The following GNAL variants were observed in gnomAD, a reference collection of about 807,000 sequenced individuals.
GNAL encodes the protein G protein subunit alpha L, also known as guanine nucleotide-binding protein G(olf) subunit alpha.
In GNAL, 18 loss-of-function variants were observed where a neutral mutation model predicts 55.1. That is an observed-to-expected ratio of 0.33 (90% CI 0.23 to 0.48). The LOEUF (loss-of-function observed/expected upper bound fraction) is 0.48, where lower values mean the gene tolerates loss of function less well. GNAL is among the 20% of genes least tolerant of loss of function. The pLI, the probability that GNAL is intolerant of heterozygous loss-of-function variation, is 0.99. For synonymous variants in GNAL, 253 were observed against 237.0 expected, an observed-to-expected ratio of 1.07 and a Z score of -0.62; for missense variants, 412 against 614.1, an observed-to-expected ratio of 0.67 and a Z score of 3.48.
intron 5 of GNAL, chr18:11,851,692 C>T (rs1007245929): frequency 1.9e-6 from 3 of 1,613,892 alleles, no homozygotes; most frequent in Non-Finnish European, 2.5e-6. Flanking sequence ...CCAGAAGAAC[C>T]AGGCGGTGAA....
At chr18:11,791,466 C>T (rs2034234908) in intron 4 of GNAL, among the ~76,000 whole-genome samples, 1 of 152,150 alleles carries the variant, frequency 6.6e-6, no homozygotes, top group Non-Finnish European at 1.5e-5. Context: ...ATCAAGAGAT[C>T]ATGCTTGTTT....
At chr18:11,756,344 G>A (rs2033055471) in intron 4 of GNAL, among the ~76,000 whole-genome samples, 1 of 152,140 alleles carries the variant, frequency 6.6e-6, no homozygotes, top group South Asian at 2.1e-4. Flanking sequence ...TTTTCAGAAA[G>A]CATAATTAAT....
At chr18:11,695,024 G>T (rs1462163841) in intron 1 of GNAL, among the ~76,000 whole-genome samples, 1 of 152,014 alleles carries the variant, frequency 6.6e-6, no homozygotes, top group Non-Finnish European at 1.5e-5. Context: ...ACCTACTTAA[G>T]GGCCCTATGT....
chr18:11,770,306 A>G (rs1172659343), intron 4 of GNAL, among the ~76,000 whole-genome samples: 1 of 152,212 alleles, frequency 6.6e-6, no homozygotes, highest in Non-Finnish European at 1.5e-5. Flanking sequence ...ACCAAATATT[A>G]AACTTACCTC....
At chr18:11,861,546 A>G (rs2036138004) in intron 5 of GNAL, among the ~76,000 whole-genome samples, 1 of 152,210 alleles carries the variant, frequency 6.6e-6, no homozygotes. Context: ...GATAAATAAC[A>G]ACAGATCAAC....
intron 1 of GNAL, among the ~76,000 whole-genome samples, chr18:11,743,820 G>C (rs1045738209): frequency 5.9e-5 from 9 of 152,182 alleles, no homozygotes; most frequent in African/African-American, 2.2e-4. Flanking sequence ...TTGATTTCTG[G>C]TTTGTAAAAT....
chr18:11,854,968 GC>G, intron 5 of GNAL, among the ~76,000 whole-genome samples: 1 of 152,212 alleles, frequency 6.6e-6, no homozygotes, highest in Non-Finnish European at 1.5e-5. Context: ...TGTCGCCCAG[GC>G]TGAAGTGCCA....
At position 11,782,886 on chromosome 18, in the gene GNAL, A is replaced by G. The variant is rs558680205; in HGVS notation, c.624+28941A>G. On this transcript the variant is annotated intron_variant, in intron 4 of 11. Coordinates refer to ENST00000334049, the MANE Select transcript of GNAL (RefSeq NM_182978.4). ...GGGCTATGTGAGCATAATGCATGAT[A>G]AAGAGAATCATAAATCTTAAGAATT... 8.5e-5 allele frequency among the ~76,000 whole-genome samples: 13 copies of G among 152,354 alleles called. No individual in the cohort carries two copies. The South Asian group carries it at 2.7e-3, about 32-fold the overall frequency.
intron 1 of GNAL, among the ~76,000 whole-genome samples, chr18:11,739,409 G>C (rs1449714989): frequency 1.3e-5 from 2 of 152,190 alleles, no homozygotes; most frequent in African/African-American, 4.8e-5. Context: ...ACGTCCGTGT[G>C]TGTTTCTAGG....
rs201760953 is a variant in GNAL, at chr18:11,753,987, G to A, written c.624+42G>A. 2.5e-5 allele frequency: 37 copies of A among 1,468,586 alleles called. No homozygotes were observed. The Admixed American group carries it at 2.5e-4, about 10-fold the overall frequency. The allele number at this position is 1,468,586 out of a possible 1,614,324, so 91.0% of individuals were successfully genotyped here. A position where few individuals can be genotyped will look rare whatever the true frequency, so the allele number is the denominator to read the frequency against. On this transcript the variant is annotated intron_variant, in intron 4 of 11. Coordinates refer to ENST00000334049, the MANE Select transcript of GNAL (RefSeq NM_182978.4). The stretch of plus-strand genomic sequence containing the variant: ...GAAATATTCTAACTAGTGAAAGATG[G>A]AACCATTTTTAATAAGGTTTCTTAT...
In GNAL at chr18:11,745,043, C is replaced by T. The variant is rs139836979; in HGVS notation, c.377-7810C>T. Reference sequence around the variant, plus strand: ...CTGTTGATGTACCTGTTCCAGAAGTCTTAGTGCAGTTTTCATCTTTAATAA... The same window carrying T: ...CTGTTGATGTACCTGTTCCAGAAGTTTTAGTGCAGTTTTCATCTTTAATAA... On this transcript the variant is annotated intron_variant, in intron 1 of 11. Coordinates refer to ENST00000334049, the MANE Select transcript of GNAL (RefSeq NM_182978.4). Among the ~76,000 whole-genome samples the T allele has an allele frequency of 3.9e-5, 6 of 152,288 alleles. No individual in the cohort carries two copies. The East Asian group carries it at 9.6e-4, about 24-fold the overall frequency.
intron 1 of GNAL, among the ~76,000 whole-genome samples, chr18:11,730,232 T>A: frequency 6.7e-6 from 1 of 150,358 alleles, no homozygotes; most frequent in East Asian, 2.0e-4. Flanking sequence ...CGATCTCAGC[T>A]CACTGCAGCC....
At chr18:11,789,967 G>C (rs554584971) in intron 4 of GNAL, among the ~76,000 whole-genome samples, 23 of 152,322 alleles carry the variant, frequency 1.5e-4, no homozygotes, top group African/African-American at 5.5e-4. Context: ...GTAAACACAG[G>C]AATAGTTGAA....
intron 4 of GNAL, among the ~76,000 whole-genome samples, chr18:11,790,652 T>TTTTC (rs1371255931): frequency 2.3e-4 from 11 of 47,070 alleles, no homozygotes; most frequent in South Asian, 5.2e-4. Context: ...TTTTCTTTTC[T>TTTTC]TTTTTTTTCT....
intron 10 of GNAL, among the ~76,000 whole-genome samples, chr18:11,873,624 A>G (rs868491490): frequency 6.6e-6 from 1 of 152,186 alleles, no homozygotes; most frequent in South Asian, 2.1e-4. Context: ...TCAAGTGGAA[A>G]TCTCATTGCA....
chr18:11,864,702 C>T lies in GNAL; in HGVS notation c.851+96C>T, dbSNP rs142147692. 1.8e-3 allele frequency: 1,393 copies of T among 770,528 alleles called. 9 individuals are homozygous for T. The highest frequency in any genetic ancestry group is 0.015 in the Middle Eastern group (46 of 3,054). 47.7% of individuals were successfully genotyped at this position (770,528 alleles called of 1,614,324 possible). A position where few individuals can be genotyped will look rare whatever the true frequency, so the allele number is the denominator to read the frequency against. On this transcript the variant is annotated intron_variant, in intron 7 of 11. Transcript: ENST00000334049. ...TAAGGGGGCTTCATTCCTGAATGTGCATGGCAGCCCTTTCAGGTAAGAGCA... is the reference window on the plus strand; with the variant it reads ...TAAGGGGGCTTCATTCCTGAATGTGTATGGCAGCCCTTTCAGGTAAGAGCA...
intron 1 of GNAL, chr18:11,747,156 TG>T: frequency 2.5e-6 from 1 of 394,256 alleles, no homozygotes; most frequent in South Asian, 2.2e-5. Flanking sequence ...ACTGAGAGTC[TG>T]GTTTCTGCAT....
At chr18:11,698,018 C>T (rs537463583) in intron 1 of GNAL, among the ~76,000 whole-genome samples, 212 of 152,072 alleles carry the variant, frequency 1.4e-3, no homozygotes, top group Non-Finnish European at 2.6e-3. Context: ...CTAGGGAGGA[C>T]GTGCAGAGTG....
chr18:11,734,131 C>CTTTTCT (rs993769781), intron 1 of GNAL, among the ~76,000 whole-genome samples: 2 of 150,408 alleles, frequency 1.3e-5, no homozygotes, highest in Admixed American at 6.6e-5. Flanking sequence ...GAGCAATAAG[C>CTTTTCT]TTTTCTTTTT....
Sources: gnomAD v4.1 joint callset for allele counts (sites outside exome capture counted in the v4.1 genomes callset) on GRCh38, gnomAD v4.1.1 for gene constraint, MANE v1.5 for transcripts, NCBI Gene and HGNC (gene_info 2026-07-23, HGNC 2026-07-21) for gene names.